Variants in HSPG2 observed in about 807,000 individuals in gnomAD.
HSPG2 encodes the protein basement membrane-specific heparan sulfate proteoglycan core protein.
Under a neutral mutation model 526.6 loss-of-function variants are expected in HSPG2, and 278 were observed. The observed-to-expected ratio is 0.53, with a 90% confidence interval of 0.48 to 0.58. The LOEUF (loss-of-function observed/expected upper bound fraction) is 0.58, where lower values mean the gene tolerates loss of function less well. Ranked by LOEUF, HSPG2 falls within the 20% of genes least tolerant of loss-of-function variation. HSPG2 has a pLI of 0.00. For missense variants in HSPG2, 5,354 were observed against 6,099.5 expected (o/e 0.88, Z 4.07); for synonymous variants, 2,465 against 2,555.4 (o/e 0.96, Z 1.07).
Position 21,859,299 on chromosome 1 carries a change from G to A in HSPG2, c.5293+267C>T, listed in dbSNP as rs1639586440. ...CCTGACCTCATGATCTGCCCACCTT[G>A]GCCTCCCAAAGTGTTGGGATTATAG... On this transcript the variant is annotated intron_variant, in intron 42 of 96. Transcript: ENST00000374695. This position sits in a 1 kb window ranked among gnomAD's most constrained non-coding sequence, Gnocchi z 5.3. Among the ~76,000 whole-genome samples, 1 of 152,020 alleles carries A rather than the reference G, an allele frequency of 6.6e-6. No individual in the cohort carries two copies. The highest frequency in any genetic ancestry group is 6.6e-5 in the Admixed American group (1 of 15,264).
chr1:21,836,653 G>T, intron 75 of HSPG2, 149 bp downstream of exon 75: 1 of 728,688 alleles, frequency 1.4e-6, no homozygotes, highest in Non-Finnish European at 2.4e-6. Flanking sequence ...CCACTGTACA[G>T]CTGAGAACAC....
chr1:21,836,342 A>C (rs1020009865), intron 75 of HSPG2, among the ~76,000 whole-genome samples: 39 of 152,212 alleles, frequency 2.6e-4, no homozygotes, highest in Admixed American at 2.6e-3. Context: ...TCTTTTTGAG[A>C]TGGAGTTTTG....
chr1:21,857,950 G>A (rs898131804), intron 42 of HSPG2, among the ~76,000 whole-genome samples: 1 of 152,022 alleles, frequency 6.6e-6, no homozygotes. Context: ...CCCCTCCCCG[G>A]GGCTTCTTCT....
intron 1 of HSPG2, among the ~76,000 whole-genome samples, chr1:21,916,355 A>G (rs1643888679): frequency 6.6e-6 from 1 of 152,060 alleles, no homozygotes; most frequent in Non-Finnish European, 1.5e-5. Context: ...CAAAAACACA[A>G]TTAGTCAGGC....
rs1363399398 is a variant in HSPG2, at chr1:21,937,233, G to A, written c.-16C>T. On this transcript the variant is annotated 5_prime_UTR_variant, in exon 1 of 97. Coordinates refer to ENST00000374695, the MANE Select transcript of HSPG2 (RefSeq NM_005529.7). ...GCCACCCCATGGCCCGGCCCGCGCC[G>A]CTCTCTCGCTCGCTCGCTCCGCGCC... 2.2e-6 allele frequency: 2 copies of A among 896,104 alleles called. No individual in the cohort carries two copies. The highest frequency in any genetic ancestry group is 2.6e-6 in the Non-Finnish European group (2 of 758,388). 55.5% of individuals were successfully genotyped at this position (896,104 alleles called of 1,614,324 possible). A position where few individuals can be genotyped will look rare whatever the true frequency, so the allele number is the denominator to read the frequency against.
intron 56 of HSPG2, 34 bp downstream of exon 56, chr1:21,850,329 G>T (rs781441661): frequency 6.2e-7 from 1 of 1,602,950 alleles, no homozygotes; most frequent in South Asian, 1.1e-5. Context: ...CCCACCCTGG[G>T]TCCCCAGCCC....
chr1:21,832,637 C>T, intron 80 of HSPG2, 31 bp from the exon 81 acceptor site: 1 of 1,559,528 alleles, frequency 6.4e-7, no homozygotes, highest in Non-Finnish European at 8.8e-7. Context: ...AAGGGGCCCC[C>T]TTCCAGCCAC....
intron 1 of HSPG2, among the ~76,000 whole-genome samples, chr1:21,929,288 C>T (rs911695994): frequency 6.6e-6 from 1 of 152,176 alleles, no homozygotes; most frequent in African/African-American, 2.4e-5. Context: ...AATGCAGAGG[C>T]CCCAGCTTGG....
intron 66 of HSPG2, 146 bp from the exon 67 acceptor site, chr1:21,843,067 T>G: frequency 9.4e-7 from 1 of 1,064,642 alleles, no homozygotes; most frequent in Non-Finnish European, 1.4e-6. Context: ...AGGGTCTCCT[T>G]TCCCTGGGGA....
At position 21,893,487 on chromosome 1, in the gene HSPG2, G is replaced by C. The variant is rs1642513904; in HGVS notation, c.244+2435C>G. On this transcript the variant is annotated intron_variant, in intron 3 of 96. Transcript: ENST00000374695. The surrounding 1 kb of genome is among the most constrained non-coding windows in gnomAD (Gnocchi z 4.3). ...GCAAAGTGCAGGTTGGGGAGGAAGA[G>C]AACAGGGAGAAAGGAGAGAAAAGGA... Among the ~76,000 whole-genome samples the C allele has an allele frequency of 6.6e-6, 1 of 152,192 alleles. No homozygotes were observed. The highest frequency in any genetic ancestry group is 1.5e-5 in the Non-Finnish European group (1 of 68,018).
chr1:21,876,084 C>A lies in HSPG2; in HGVS notation c.3004-42G>T, dbSNP rs765244106. ...ACAGGAGCTTGCGGAGGCCTGAATTCGGGCCCTGTCACTGCTCCAGCCACC... is the reference window on the plus strand; with the variant it reads ...ACAGGAGCTTGCGGAGGCCTGAATTAGGGCCCTGTCACTGCTCCAGCCACC... On this transcript the variant is annotated intron_variant, in intron 23 of 96. Coordinates refer to ENST00000374695, the MANE Select transcript of HSPG2 (RefSeq NM_005529.7). 5 of 1,607,890 alleles carry A rather than the reference C, an allele frequency of 3.1e-6. No individual in the cohort carries two copies. In the African/African-American group the frequency reaches 6.7e-5, roughly 21 times the overall value.
chr1:21,936,895 C>T (rs906899113), intron 1 of HSPG2, among the ~76,000 whole-genome samples: 4 of 152,182 alleles, frequency 2.6e-5, no homozygotes, highest in African/African-American at 7.2e-5. Flanking sequence ...GCAACGTGGC[C>T]GAGAGACCCA....
chr1:21,851,475 C>T (rs1638889348), intron 55 of HSPG2, 71 bp downstream of exon 55: 9 of 1,607,680 alleles, frequency 5.6e-6, no homozygotes, highest in Middle Eastern at 2.2e-4. Context: ...GCCTCTAGCC[C>T]TCCCCCAATA....
At chr1:21,883,585 A>G (rs1489991683) in intron 13 of HSPG2, among the ~76,000 whole-genome samples, 1 of 152,190 alleles carries the variant, frequency 6.6e-6, no homozygotes, top group Admixed American at 6.5e-5. Flanking sequence ...CCAGCCTCCC[A>G]AAGTACTTGG....
At chr1:21,888,348 C>T (rs1224035935) in intron 6 of HSPG2, among the ~76,000 whole-genome samples, 1 of 152,266 alleles carries the variant, frequency 6.6e-6, no homozygotes, top group Non-Finnish European at 1.5e-5. Context: ...AGGCCACAGC[C>T]TGGCCCAGTG....
chr1:21,861,984 C>T lies in HSPG2; in HGVS notation c.4868+4G>A, dbSNP rs200689461. ...GTCCTTGGGCCTTGAGCTAGGGTAC[C>T]CACATGTTCTCTGGGTTGGTCAGTG... On this transcript the variant is annotated splice_donor_region_variant and intron_variant, in intron 38 of 96. Coordinates refer to ENST00000374695, the MANE Select transcript of HSPG2 (RefSeq NM_005529.7). 58 of 1,614,210 alleles carry T rather than the reference C, an allele frequency of 3.6e-5. No homozygotes were observed. The highest frequency in any genetic ancestry group is 4.6e-5 in the Non-Finnish European group (54 of 1,180,044).
Position 21,834,896 on chromosome 1 carries a change from C to A in HSPG2, c.10503G>T (p.Val3501=), listed in dbSNP as rs765381579. 1.9e-6 allele frequency: 3 copies of A among 1,613,468 alleles called. No individual in the cohort carries two copies. In the African/African-American group the frequency reaches 4.0e-5, roughly 22 times the overall value. The part of the protein sequence containing the change: ...INIRTSVQTV[V]VGHAVEFECL... Reference sequence around the variant, plus strand: ...ATTCGAACTCCACGGCGTGGCCAACCACCACGGTCTGCACAGAGGTCCGGA... The same window carrying A: ...ATTCGAACTCCACGGCGTGGCCAACAACCACGGTCTGCACAGAGGTCCGGA... The change falls in exon 77 of 97, where the codon GTG becomes GTT. Residue 3501 remains valine, a synonymous_variant. Transcript: ENST00000374695.
In HSPG2 at chr1:21,841,135, G is replaced by A. The variant is rs376614928; in HGVS notation, c.9479C>T (p.Thr3160Ile). ...SSTPAKLEQRTYGLMDSHAVL... is the reference protein window; with the variant it reads ...SSTPAKLEQRIYGLMDSHAVL... ...CGCGTGGCTGTCCATGAGCCCATAT[G>A]TCCGCTGCTCCAACTTGGCAGGGGT... The change falls in exon 71 of 97, where the codon ACA becomes ATA. Residue 3160 changes from threonine (T) to isoleucine (I), a missense_variant. Transcript: ENST00000374695. 6.2e-7 allele frequency: 1 copy of A among 1,613,110 alleles called. No individual in the cohort carries two copies. The highest frequency in any genetic ancestry group is 8.5e-7 in the Non-Finnish European group (1 of 1,179,870).
chr1:21,838,454 C>T (rs1337538269), intron 74 of HSPG2, among the ~76,000 whole-genome samples: 3 of 152,260 alleles, frequency 2.0e-5, no homozygotes, highest in African/African-American at 4.8e-5. Flanking sequence ...CCAGCCCATC[C>T]TGGGCCTTGT....
Sources: gnomAD v4.1 joint callset for allele counts (sites outside exome capture counted in the v4.1 genomes callset) on GRCh38, gnomAD v4.1.1 for gene constraint, Gnocchi (gnomAD v3.1) non-coding constraint, MANE v1.5 for transcripts, NCBI Gene and HGNC (gene_info 2026-07-23, HGNC 2026-07-21) for gene names.